Variants in CYTH3 observed in about 807,000 individuals in gnomAD.
CYTH3 encodes cytohesin-3.
A neutral mutation model predicts 55.1 loss-of-function variants in CYTH3; 23 were observed. That is an observed-to-expected ratio of 0.42 (90% confidence interval 0.30 to 0.59). CYTH3 has a LOEUF of 0.59. Among genes scored for constraint, CYTH3 ranks in the 20% least tolerant of loss-of-function variants. The pLI, the probability that CYTH3 is intolerant of heterozygous loss-of-function variation, is 0.20. For synonymous variants in CYTH3, 249 were observed against 194.9 expected (o/e 1.28, Z -2.31); for missense variants, 413 against 524.8 (o/e 0.79, Z 2.08).
At chr7:6,188,542 G>C (rs747524578) in intron 2 of CYTH3, among the ~76,000 whole-genome samples, 7 of 152,042 alleles carry the variant, frequency 4.6e-5, no homozygotes, top group Admixed American at 1.3e-4. Context: ...GGTGTGTTTA[G>C]GTCAGTGGTC....
At chr7:6,186,364 G>A (rs759846075) in intron 4 of CYTH3, among the ~76,000 whole-genome samples, 22 of 151,828 alleles carry the variant, frequency 1.4e-4, no homozygotes, top group Non-Finnish European at 2.8e-4. Context: ...TGAAGACTCA[G>A]GTCTACCCTT....
rs770701820 is a variant in CYTH3 at position 6,164,947 on chromosome 7, T to A, written c.1197A>T (p.Lys399Asn). The A allele has an allele frequency of 3.1e-6, 5 of 1,614,230 alleles. No individual in the cohort carries two copies. Among genetic ancestry groups the A allele is most frequent in the Non-Finnish European group, 1.7e-6 (2 of 1,180,032 alleles). Residue 399 changes from lysine to asparagine, a missense_variant, in exon 13 of 13, where the codon AAA (lysine) becomes AAT (asparagine). This residue lies in a region of CYTH3 where 98 missense variants were observed against 115.2 expected (regional missense o/e 0.85). Coordinates refer to ENST00000350796, the MANE Select transcript of CYTH3 (RefSeq NM_004227.4). ...CTGGGTCTTTTAGCCAGGAAAGCTA[T>A]TTTTTATTGGCAATCCTTCGTTTCC... ...ATRKRRIANK[K>N]
chr7:6,231,537 C>G (rs1368048745), intron 1 of CYTH3, among the ~76,000 whole-genome samples: 1 of 152,202 alleles, frequency 6.6e-6, no homozygotes, highest in Non-Finnish European at 1.5e-5. Context: ...ACAGATCCAC[C>G]TCTCAGGTAC....
intron 4 of CYTH3, among the ~76,000 whole-genome samples, chr7:6,178,199 A>G (rs933638026): frequency 3.9e-5 from 6 of 152,274 alleles, no homozygotes; most frequent in African/African-American, 1.4e-4. Flanking sequence ...AAACCATTAC[A>G]GGTGGTTATT....
intron 1 of CYTH3, among the ~76,000 whole-genome samples, chr7:6,249,194 G>C (rs1316106277): frequency 6.6e-6 from 1 of 152,132 alleles, no homozygotes; most frequent in East Asian, 1.9e-4. Context: ...TATGTTCTGT[G>C]TTTGTGAGCA....
At chr7:6,262,237 C>T (rs887805826) in intron 1 of CYTH3, among the ~76,000 whole-genome samples, 1 of 152,170 alleles carries the variant, frequency 6.6e-6, no homozygotes, top group African/African-American at 2.4e-5. Context: ...CAGGTAATTA[C>T]AGTCCTGGAA....
chr7:6,237,680 G>A (rs1360514387), intron 1 of CYTH3, among the ~76,000 whole-genome samples: 1 of 152,168 alleles, frequency 6.6e-6, no homozygotes, highest in African/African-American at 2.4e-5. Flanking sequence ...CTGCACTCCA[G>A]CCTGGGCGAC....
chr7:6,216,366 TATACATAC>T (rs1784425639), intron 1 of CYTH3, among the ~76,000 whole-genome samples: 1 of 152,206 alleles, frequency 6.6e-6, no homozygotes, highest in African/African-American at 2.4e-5. Flanking sequence ...TATTACTTAT[TATACATAC>T]ATATATACAT....
In CYTH3 at chr7:6,196,397, C is replaced by G. The variant is rs552075274; in HGVS notation, c.35-5866G>C. Among the ~76,000 whole-genome samples, 4 of 151,376 alleles carry G rather than the reference C, an allele frequency of 2.6e-5. No individual in the cohort carries two copies. The South Asian group carries it at 8.4e-4, about 32-fold the overall frequency. On this transcript the variant is annotated intron_variant, in intron 1 of 12. Transcript: ENST00000350796. ...AAAATAAAGAAGCAAGCAGGCAGTT[C>G]TCAAATCTTCAAAACTATTACTCTT...
chr7:6,257,549 C>A (rs1269865902), intron 1 of CYTH3, among the ~76,000 whole-genome samples: 2 of 147,946 alleles, frequency 1.4e-5, no homozygotes, highest in African/African-American at 4.8e-5. Flanking sequence ...TCTAAGAATA[C>A]GAAAACGTAT....
chr7:6,169,175 C>T lies in CYTH3; in HGVS notation c.823+1360G>A, dbSNP rs1473370159. Among the ~76,000 whole-genome samples, 2 of 152,202 alleles carry T rather than the reference C, an allele frequency of 1.3e-5. No homozygotes were observed. Among genetic ancestry groups the T allele is most frequent in the African/African-American group, 4.8e-5 (2 of 41,430 alleles). On this transcript the variant is annotated intron_variant, in intron 9 of 12. Transcript: ENST00000350796. This position sits in a 1 kb window ranked among gnomAD's most constrained non-coding sequence, Gnocchi z 4.1. ...AGACCTGTGGGACTCACACCCTTTC[C>T]ACCAGCTGAGGAGGCCTGTGCCCGT...
At chr7:6,231,206 T>C (rs1346567987) in intron 1 of CYTH3, among the ~76,000 whole-genome samples, 1 of 152,214 alleles carries the variant, frequency 6.6e-6, no homozygotes, top group African/African-American at 2.4e-5. Context: ...TCTGTTTAGT[T>C]AGTAGGGAAC....
intron 1 of CYTH3, among the ~76,000 whole-genome samples, chr7:6,213,565 G>A (rs1784366929): frequency 6.6e-6 from 1 of 151,844 alleles, no homozygotes; most frequent in African/African-American, 2.4e-5. Flanking sequence ...GTTTTGTTTT[G>A]CCGTTGTCTT....
At chr7:6,208,585 C>T (rs1297950935) in intron 1 of CYTH3, among the ~76,000 whole-genome samples, 1 of 152,204 alleles carries the variant, frequency 6.6e-6, no homozygotes, top group Non-Finnish European at 1.5e-5. Context: ...TCACTGTCAC[C>T]CAGGTTGGGG....
intron 1 of CYTH3, among the ~76,000 whole-genome samples, chr7:6,223,241 C>G (rs560230824): frequency 6.9e-6 from 1 of 145,264 alleles, no homozygotes; most frequent in East Asian, 2.1e-4. Context: ...CATCTGGGAA[C>G]TGAGGAGCGC....
At chr7:6,172,191 G>C (rs769178735) in intron 6 of CYTH3, 1 of 152,626 alleles carries the variant, frequency 6.6e-6, no homozygotes, top group Non-Finnish European at 1.5e-5. Context: ...ACCAGCCATC[G>C]GGGGAGGATG....
intron 9 of CYTH3, among the ~76,000 whole-genome samples, chr7:6,168,335 C>T (rs947883401): frequency 2.0e-4 from 30 of 151,806 alleles, no homozygotes; most frequent in Admixed American, 1.4e-3. Context: ...GCAAAGCATC[C>T]AGGCCTTTTT....
chr7:6,256,059 G>A (rs758573086), intron 1 of CYTH3, among the ~76,000 whole-genome samples: 12 of 152,054 alleles, frequency 7.9e-5, no homozygotes, highest in Non-Finnish European at 1.0e-4. Flanking sequence ...CATTGCGCCC[G>A]GCCAACCTTT....
At position 6,169,840 on chromosome 7, in the gene CYTH3, C is replaced by G. The variant is rs1010346571; in HGVS notation, c.823+695G>C. On this transcript the variant is annotated intron_variant, in intron 9 of 12. Coordinates refer to ENST00000350796, the MANE Select transcript of CYTH3 (RefSeq NM_004227.4). The surrounding 1 kb of genome is among the most constrained non-coding windows in gnomAD (Gnocchi z 4.1). ...CTACTGCTGCGGACCCCTAGAGACA[C>G]AGGGTGGGGGGCAAGTTGGTTCCCA... Among the ~76,000 whole-genome samples the G allele has an allele frequency of 2.0e-5, 3 of 152,256 alleles. No individual in the cohort carries two copies. The highest frequency in any genetic ancestry group is 2.0e-4 in the Admixed American group (3 of 15,304).
Sources: gnomAD v4.1 joint callset for allele counts (sites outside exome capture counted in the v4.1 genomes callset) on GRCh38, gnomAD v4.1.1 for gene constraint, gnomAD v4.1.1 regional missense constraint, Gnocchi (gnomAD v3.1) non-coding constraint, MANE v1.5 for transcripts, NCBI Gene and HGNC (gene_info 2026-07-23, HGNC 2026-07-21) for gene names.